Variants in LCP2 observed in about 807,000 individuals in gnomAD.
LCP2 encodes the protein 76 kDa tyrosine phosphoprotein.
Under a neutral mutation model 74.5 loss-of-function variants are expected in LCP2, and 29 were observed. The ratio of observed to expected loss-of-function variants is 0.39; its 90% CI spans 0.29 to 0.53. The LOEUF (loss-of-function observed/expected upper bound fraction) is 0.53, where lower values mean the gene tolerates loss of function less well. LCP2 is among the 20% of genes least tolerant of loss of function. LCP2 has a pLI of 0.72. For missense variants in LCP2, 604 were observed against 634.6 expected, an observed-to-expected ratio of 0.95 and a Z score of 0.52; for synonymous variants, 228 against 229.5, an observed-to-expected ratio of 0.99 and a Z score of 0.06.
At chr5:170,279,893 A>G (rs1027139526) in intron 3 of LCP2, among the ~76,000 whole-genome samples, 5 of 152,012 alleles carry the variant, frequency 3.3e-5, no homozygotes, top group South Asian at 2.1e-4. Context: ...CTAGAAATCA[A>G]CTTTGCTGAT....
chr5:170,268,386 G>C lies in LCP2; in HGVS notation c.620C>G (p.Ser207Trp), dbSNP rs2113176020. The C allele has an allele frequency of 1.4e-6, 1 of 739,020 alleles. No individual in the cohort carries two copies. The highest frequency in any genetic ancestry group is 1.8e-6 in the Non-Finnish European group (1 of 561,492). The allele number at this position is 739,020 out of a possible 1,614,324, so 45.8% of individuals were successfully genotyped here. A position where few individuals can be genotyped will look rare whatever the true frequency, so the allele number is the denominator to read the frequency against. ...LPPPPAGRNH[S>W]PLPPPQTNHE... The stretch of plus-strand genomic sequence containing the variant: ...GTAAAAGAACGGGAGGAGGCCTACC[G>C]AGTGATTCCGGCCGGCTGGTGGGGG... Residue 207 changes from serine to tryptophan, a missense_variant and splice_region_variant, in exon 8 of 21, where the codon TCG becomes TGG. Transcript: ENST00000046794.
rs186831495 is a variant in LCP2 at position 170,288,764 on chromosome 5, A to G, written c.142-748T>C. On this transcript the variant is annotated intron_variant, in intron 2 of 20. Transcript: ENST00000046794. ...GCTGGGGCTGGAATTCCACTCTGTG[A>G]CATCCACAGTCTATTTTCTTCCTGC... 1.8e-3 allele frequency among the ~76,000 whole-genome samples: 281 copies of G among 152,312 alleles called. 3 individuals are homozygous for G. Among genetic ancestry groups the G allele is most frequent in the African/African-American group, 6.6e-3 (274 of 41,592 alleles).
chr5:170,289,589 C>A (rs1028698105), intron 2 of LCP2, among the ~76,000 whole-genome samples: 5 of 148,542 alleles, frequency 3.4e-5, no homozygotes, highest in African/African-American at 1.3e-4. Flanking sequence ...CTTAACTACT[C>A]CTTTTCTTTC....
At chr5:170,285,589 A>G (rs761084555) in intron 3 of LCP2, among the ~76,000 whole-genome samples, 33 of 152,150 alleles carry the variant, frequency 2.2e-4, no homozygotes, top group Non-Finnish European at 4.6e-4. Flanking sequence ...CAATTTTTAG[A>G]TTAGGGCTAA....
intron 1 of LCP2, among the ~76,000 whole-genome samples, chr5:170,293,732 T>C (rs1762327611): frequency 6.6e-6 from 1 of 152,258 alleles, no homozygotes. Flanking sequence ...GGTGTTTCTT[T>C]CCATGCTTTC....
At chr5:170,264,665 G>A (rs1237096316) in intron 10 of LCP2, among the ~76,000 whole-genome samples, 1 of 152,130 alleles carries the variant, frequency 6.6e-6, no homozygotes, top group East Asian at 1.9e-4. Context: ...CAGGCATGGG[G>A]ACATGCACCT....
rs1233144063 is a variant in LCP2, at chr5:170,297,565, T to G, written c.47A>C (p.Asp16Ala). 1.9e-6 allele frequency: 3 copies of G among 1,612,988 alleles called. No homozygotes were observed. Among genetic ancestry groups the G allele is most frequent in the South Asian group, 1.1e-5 (1 of 90,778 alleles). The change falls in exon 1 of 21, where the codon GAC (aspartate) becomes GCC (alanine). Residue 16 changes from aspartate (D) to alanine (A), a missense_variant. Transcript: ENST00000046794. ...GAAATAGTCAGCAAGGCTGTCGGGG[T>G]CCCAGCCCAGGACCTCTGAGCGAAA... Reference protein sequence around the residue: ...VPFRSEVLGWDPDSLADYFKK... With the variant: ...VPFRSEVLGWAPDSLADYFKK...
At position 170,270,828 on chromosome 5, in the gene LCP2, G is replaced by A. The variant is rs769576361; in HGVS notation, c.414C>T (p.Pro138=). 59 of 1,611,864 alleles carry A rather than the reference G, an allele frequency of 3.7e-5. No individual in the cohort carries two copies. Among genetic ancestry groups the A allele is most frequent in the Admixed American group, 5.0e-5 (3 of 59,706 alleles). The part of the protein sequence containing the change: ...YESPNEEEEA[P]VEDDADYEPP... ...GCTCATAATCCGCGTCATCTTCCAC[G>A]GGTGCCTCTTCCTCCTCATTGGGGG... is the stretch of plus-strand genomic sequence containing the variant. Residue 138 remains proline, a synonymous_variant, in exon 7 of 21, where the codon CCC becomes CCT. Transcript: ENST00000046794.
chr5:170,267,580 T>TCCC (rs369358533), intron 8 of LCP2, among the ~76,000 whole-genome samples: 1 of 141,104 alleles, frequency 7.1e-6, no homozygotes, highest in Non-Finnish European at 1.5e-5. Flanking sequence ...CCTTGTCACC[T>TCCC]CCCCCCCCCA....
At chr5:170,264,259 T>C (rs941987533) in intron 10 of LCP2, among the ~76,000 whole-genome samples, 7 of 152,222 alleles carry the variant, frequency 4.6e-5, no homozygotes, top group Non-Finnish European at 7.3e-5. Flanking sequence ...TTGCCCCAAA[T>C]TGCAATTCTT....
intron 2 of LCP2, among the ~76,000 whole-genome samples, chr5:170,288,974 C>T (rs1223738460): frequency 6.6e-6 from 1 of 152,192 alleles, no homozygotes; most frequent in African/African-American, 2.4e-5. Context: ...CAACAAAGGG[C>T]TCCACCACCA....
At chr5:170,252,931 C>T (rs890047112) in intron 18 of LCP2, among the ~76,000 whole-genome samples, 188 bp downstream of exon 18, 1 of 152,066 alleles carries the variant, frequency 6.6e-6, no homozygotes, top group East Asian at 1.9e-4. Flanking sequence ...CCATTGAAAG[C>T]GTCTGAAAGA....
chr5:170,263,172 G>A (rs1761693708), intron 10 of LCP2, among the ~76,000 whole-genome samples, 180 bp from the exon 11 acceptor site: 1 of 152,160 alleles, frequency 6.6e-6, no homozygotes, highest in African/African-American at 2.4e-5. Context: ...AATTTTATAA[G>A]CTCAGAGAAA....
At chr5:170,249,366 A>G (rs971903250) in intron 20 of LCP2, among the ~76,000 whole-genome samples, 3 of 120,780 alleles carry the variant, frequency 2.5e-5, no homozygotes, top group African/African-American at 8.2e-5. Flanking sequence ...GCGTGTGTAT[A>G]TATATATATA....
chr5:170,284,117 AATAAAGT>A (rs1453669293), intron 3 of LCP2, among the ~76,000 whole-genome samples: 1 of 152,256 alleles, frequency 6.6e-6, no homozygotes, highest in African/African-American at 2.4e-5. Flanking sequence ...TCATTAAATG[AATAAAGT>A]ATTATTGAAA....
intron 8 of LCP2, among the ~76,000 whole-genome samples, chr5:170,267,533 C>G (rs1761790498): frequency 6.6e-6 from 1 of 152,084 alleles, no homozygotes; most frequent in African/African-American, 2.4e-5. Flanking sequence ...CGTTCTTCTC[C>G]CGGCTCTTCC....
At chr5:170,260,038 C>T (rs3789183) in intron 14 of LCP2, among the ~76,000 whole-genome samples, 77,796 of 151,960 alleles carry the variant, frequency 0.51, 20,318 homozygotes, top group African/African-American at 0.62. Flanking sequence ...CTGCAGCCTC[C>T]GTGGGCACTG....
At chr5:170,258,612 C>G in intron 15 of LCP2, 1 of 419,362 alleles carries the variant, frequency 2.4e-6, no homozygotes, top group Non-Finnish European at 4.2e-6. Context: ...ACCATGCATG[C>G]AATTTTACAT....
At chr5:170,289,621 CTTTCTT>C (rs1762244464) in intron 2 of LCP2, among the ~76,000 whole-genome samples, 1 of 75,938 alleles carries the variant, frequency 1.3e-5, no homozygotes, top group Non-Finnish European at 2.8e-5. Flanking sequence ...CTTTCTTTTT[CTTTCTT>C]TCTTTCTTTC....
Sources: allele counts gnomAD v4.1 joint callset (sites outside exome capture counted in the v4.1 genomes callset), GRCh38; gene constraint gnomAD v4.1.1; transcripts MANE v1.5; gene names NCBI Gene and HGNC (gene_info 2026-07-23, HGNC 2026-07-21).